Variants in ARCN1 observed in about 807,000 individuals in gnomAD.
ARCN1 encodes the protein coatomer subunit delta.
A neutral mutation model predicts 60.4 loss-of-function variants in ARCN1; 5 were observed. The ratio of observed to expected loss-of-function variants is 0.08; its 90% confidence interval spans 0.04 to 0.17. ARCN1 has a LOEUF of 0.17. ARCN1 is among the 10% of genes least tolerant of loss of function. ARCN1 has a pLI of 1.00. For missense variants in ARCN1, 464 were observed against 626.5 expected (o/e 0.74, Z 2.77); for synonymous variants, 224 against 220.0 (o/e 1.02, Z -0.16).
At chr11:118,596,399 G>C (rs1279299507) in intron 8 of ARCN1, among the ~76,000 whole-genome samples, 7 of 152,154 alleles carry the variant, frequency 4.6e-5, no homozygotes, top group Non-Finnish European at 8.8e-5. Flanking sequence ...GTGGTTTCCT[G>C]TATTCTAGTT....
intron 9 of ARCN1, among the ~76,000 whole-genome samples, chr11:118,598,866 G>A (rs1367732951): frequency 2.0e-5 from 3 of 151,270 alleles, no homozygotes; most frequent in East Asian, 1.9e-4. Context: ...ACATGATCTC[G>A]GCCCACTGCA....
At chr11:118,576,574 A>T (rs1370795560) in intron 1 of ARCN1, among the ~76,000 whole-genome samples, 1 of 152,148 alleles carries the variant, frequency 6.6e-6, no homozygotes, top group African/African-American at 2.4e-5. Context: ...AAACCAGTAA[A>T]CATTAATGTA....
At chr11:118,577,591 A>G (rs1007131193) in intron 1 of ARCN1, among the ~76,000 whole-genome samples, 4 of 152,056 alleles carry the variant, frequency 2.6e-5, no homozygotes, top group African/African-American at 9.7e-5. Flanking sequence ...TACCAGCTGG[A>G]AGTAATCTCT....
chr11:118,581,933 GACAGACAC>G (rs1226997681), intron 2 of ARCN1, among the ~76,000 whole-genome samples: 1 of 132,146 alleles, frequency 7.6e-6, no homozygotes, highest in African/African-American at 3.1e-5. Flanking sequence ...CAGACAGACA[GACAGACAC>G]ACACACACAC....
chr11:118,602,096 CAAG>C lies in ARCN1; in HGVS notation c.*1383_*1385del. On this transcript the variant is annotated 3_prime_UTR_variant, in exon 10 of 10. Coordinates refer to ENST00000264028, the MANE Select transcript of ARCN1 (RefSeq NM_001655.5). The stretch of plus-strand genomic sequence containing the variant: ...GCCAATCCTGTTGGCCCTAAACTAT[CAAG>C]GAGGCTCCATTTCACCATTTGATTT... The C allele has an allele frequency of 4.5e-6, 1 of 222,668 alleles. No individual in the cohort carries two copies. 13.8% of individuals were successfully genotyped at this position (222,668 alleles called of 1,614,324 possible).
rs568794883 is a variant in ARCN1, at chr11:118,584,779, A to G, written c.818+135A>G. On this transcript the variant is annotated intron_variant, in intron 5 of 9. Coordinates refer to ENST00000264028, the MANE Select transcript of ARCN1 (RefSeq NM_001655.5). ...CTGATTTAAAAGATTTATTCAGAGC[A>G]GATTCTACATATTAACATAAGATCG... 1.1e-4 allele frequency: 92 copies of G among 840,716 alleles called. No homozygotes were observed. In the African/African-American group the frequency reaches 1.4e-3, roughly 13 times the overall value. The allele number at this position is 840,716 out of a possible 1,614,324, so 52.1% of individuals were successfully genotyped here. A position where few individuals can be genotyped will look rare whatever the true frequency, so the allele number is the denominator to read the frequency against.
At chr11:118,599,352 A>T (rs782587924) in intron 9 of ARCN1, among the ~76,000 whole-genome samples, 2 of 151,432 alleles carry the variant, frequency 1.3e-5, no homozygotes, top group Non-Finnish European at 2.9e-5. Context: ...CGGCCTCCCA[A>T]AGTGCTAGGA....
intron 7 of ARCN1, among the ~76,000 whole-genome samples, chr11:118,593,335 C>T (rs112005913): frequency 6.6e-6 from 1 of 151,924 alleles, no homozygotes; most frequent in African/African-American, 2.4e-5. Flanking sequence ...TTCAGCTGAT[C>T]TCCCACCTCA....
chr11:118,581,937 G>C (rs76000807), intron 2 of ARCN1, among the ~76,000 whole-genome samples: 18,759 of 140,348 alleles, frequency 0.13, 1,703 homozygotes, highest in East Asian at 0.45. Flanking sequence ...CAGACAGACA[G>C]ACACACACAC....
At chr11:118,580,526 T>C (rs1243247008) in intron 1 of ARCN1, among the ~76,000 whole-genome samples, 1 of 151,882 alleles carries the variant, frequency 6.6e-6, no homozygotes, top group Non-Finnish European at 1.5e-5. Flanking sequence ...CACAACTCTT[T>C]TTTAAAAATA....
chr11:118,601,935 G>A lies in ARCN1; in HGVS notation c.*1221G>A. ...TGGGTACTTAAGCTAAAACGTAATGGCCACAGTCTGTAATCCATTCACATT... is the reference window on the plus strand; with the variant it reads ...TGGGTACTTAAGCTAAAACGTAATGACCACAGTCTGTAATCCATTCACATT... On this transcript the variant is annotated 3_prime_UTR_variant, in exon 10 of 10. Coordinates refer to ENST00000264028, the MANE Select transcript of ARCN1 (RefSeq NM_001655.5). 1 of 570,584 alleles carries A rather than the reference G, an allele frequency of 1.8e-6. No individual in the cohort carries two copies. The highest frequency in any genetic ancestry group is 2.1e-5 in the South Asian group (1 of 46,672). The allele number at this position is 570,584 out of a possible 1,614,324, so 35.3% of individuals were successfully genotyped here. A position where few individuals can be genotyped will look rare whatever the true frequency, so the allele number is the denominator to read the frequency against.
At chr11:118,598,472 T>G (rs932857719) in intron 9 of ARCN1, among the ~76,000 whole-genome samples, 2 of 151,040 alleles carry the variant, frequency 1.3e-5, no homozygotes, top group Admixed American at 6.6e-5. Flanking sequence ...TGGAGATGTG[T>G]GAGCTGTTCC....
intron 3 of ARCN1, 61 bp downstream of exon 3, chr11:118,583,419 C>G: frequency 6.7e-6 from 10 of 1,491,152 alleles, no homozygotes; most frequent in Non-Finnish European, 8.0e-6. Context: ...CTTCACTAAT[C>G]TCATTTTCCT....
intron 1 of ARCN1, among the ~76,000 whole-genome samples, chr11:118,579,802 T>C (rs928924285): frequency 6.6e-6 from 1 of 152,158 alleles, no homozygotes. Context: ...ATTACTTTTT[T>C]CCATTTTCAT....
At chr11:118,582,400 G>A (rs1202875447) in intron 2 of ARCN1, among the ~76,000 whole-genome samples, 1 of 152,050 alleles carries the variant, frequency 6.6e-6, no homozygotes, top group Non-Finnish European at 1.5e-5. Context: ...GAAGTGCTGG[G>A]ATTACAGGCA....
In ARCN1 at chr11:118,601,504, A is replaced by G. The variant is rs1311449706; in HGVS notation, c.*790A>G. 18 of 625,524 alleles carry G rather than the reference A, an allele frequency of 2.9e-5. No homozygotes were observed. Among genetic ancestry groups the G allele is most frequent in the Non-Finnish European group, 4.8e-5 (17 of 350,586 alleles). 38.7% of individuals were successfully genotyped at this position (625,524 alleles called of 1,614,324 possible). ...GGTTTTTCTTTCTATACATTCAGTCAGGCACTGGGATCATCTGTTTACAGG... is the reference window on the plus strand; with the variant it reads ...GGTTTTTCTTTCTATACATTCAGTCGGGCACTGGGATCATCTGTTTACAGG... On this transcript the variant is annotated 3_prime_UTR_variant, in exon 10 of 10. Transcript: ENST00000264028.
chr11:118,596,967 T>C (rs1939039422), intron 8 of ARCN1, among the ~76,000 whole-genome samples: 1 of 152,148 alleles, frequency 6.6e-6, no homozygotes, highest in East Asian at 1.9e-4. Context: ...CTCAGCACTT[T>C]GGGAGGCCGA....
chr11:118,595,080 C>G (rs1555076940), intron 8 of ARCN1, among the ~76,000 whole-genome samples: 1 of 151,652 alleles, frequency 6.6e-6, no homozygotes, highest in Non-Finnish European at 1.5e-5. Context: ...AAACTCCTGT[C>G]CTCAAAATGA....
chr11:118,586,241 G>A (rs1222293114), intron 5 of ARCN1, among the ~76,000 whole-genome samples: 3 of 152,076 alleles, frequency 2.0e-5, no homozygotes, highest in African/African-American at 7.2e-5. Flanking sequence ...GATTACAGGT[G>A]CACGCCATCA....
Sources: gnomAD v4.1 joint callset for allele counts (sites outside exome capture counted in the v4.1 genomes callset) on GRCh38, gnomAD v4.1.1 for gene constraint, MANE v1.5 for transcripts, NCBI Gene and HGNC (gene_info 2026-07-23, HGNC 2026-07-21) for gene names.